FAM193A: variants seen among roughly 807,000 people sequenced by gnomAD.
The protein encoded by FAM193A is protein FAM193A.
In FAM193A, 22 loss-of-function variants were observed where a neutral mutation model predicts 126.5. That is an observed-to-expected ratio of 0.17 (90% CI 0.12 to 0.25). FAM193A has a LOEUF of 0.25. FAM193A is among the 10% of genes least tolerant of loss of function. The pLI, the probability that FAM193A is intolerant of heterozygous loss-of-function variation, is 1.00. For missense variants in FAM193A, 1,675 were observed against 1,672.8 expected (o/e 1.00, Z -0.02); for synonymous variants, 761 against 646.8 (o/e 1.18, Z -2.68).
intron 13 of FAM193A, among the ~76,000 whole-genome samples, chr4:2,685,403 G>T (rs572584051): frequency 2.0e-5 from 3 of 152,222 alleles, no homozygotes; most frequent in African/African-American, 7.2e-5. Flanking sequence ...ATTTAGATTG[G>T]GCAGGTAAAG....
chr4:2,603,684 C>T (rs1741357989), intron 2 of FAM193A, among the ~76,000 whole-genome samples: 1 of 151,658 alleles, frequency 6.6e-6, no homozygotes, highest in South Asian at 2.1e-4. Flanking sequence ...TGGCCTCGAT[C>T]TCCTGACCTC....
chr4:2,586,224 CAA>C (rs977935760), intron 1 of FAM193A, among the ~76,000 whole-genome samples: 3 of 149,050 alleles, frequency 2.0e-5, no homozygotes, highest in South Asian at 2.1e-4. Context: ...GCCTGGGCAA[CAA>C]GAGCAAAAAC....
intron 1 of FAM193A, among the ~76,000 whole-genome samples, chr4:2,564,204 C>G (rs1330387996): frequency 3.9e-5 from 6 of 152,092 alleles, no homozygotes; most frequent in Non-Finnish European, 8.8e-5. Flanking sequence ...ATCTCAGCCT[C>G]CTGAGTAGGT....
intron 1 of FAM193A, among the ~76,000 whole-genome samples, chr4:2,543,684 C>T (rs1385603858): frequency 6.6e-6 from 1 of 151,550 alleles, no homozygotes; most frequent in Non-Finnish European, 1.5e-5. Flanking sequence ...TGGAGAAACC[C>T]CATCTCTACT....
At chr4:2,540,336 C>T (rs35651199) in intron 1 of FAM193A, among the ~76,000 whole-genome samples, 40,127 of 151,700 alleles carry the variant, frequency 0.26, 5,744 homozygotes, top group Middle Eastern at 0.37. Flanking sequence ...GGCGTGGTGG[C>T]GGGCACCTGT....
In FAM193A at chr4:2,634,514, A is replaced by G. The variant is rs553124711; in HGVS notation, c.1038+3345A>G. Reference sequence around the variant, plus strand: ...CATAACAAAGATATTTAAATTTTCAAAAAAGAATATAGAGTAACTTTGTTA... The same window carrying G: ...CATAACAAAGATATTTAAATTTTCAGAAAAGAATATAGAGTAACTTTGTTA... On this transcript the variant is annotated intron_variant, in intron 5 of 20. Coordinates refer to ENST00000637812, the MANE Select transcript of FAM193A (RefSeq NM_001366318.2). Among the ~76,000 whole-genome samples the G allele has an allele frequency of 7.9e-4, 121 of 152,260 alleles. 1 individual carries two copies. The highest frequency in any genetic ancestry group is 1.5e-3 in the Non-Finnish European group (105 of 68,044).
chr4:2,719,120 C>T (rs924560279), intron 20 of FAM193A, among the ~76,000 whole-genome samples: 3 of 152,022 alleles, frequency 2.0e-5, no homozygotes, highest in African/African-American at 7.2e-5. Context: ...CAAAATCTGC[C>T]CAAAACAATA....
Position 2,581,658 on chromosome 4 carries a change from T to C in FAM193A, c.256-14426T>C, listed in dbSNP as rs184266376. On this transcript the variant is annotated intron_variant, in intron 1 of 20. Transcript: ENST00000637812. Reference sequence around the variant, plus strand: ...CTTTATTTTATTTATTTGTTTTTATTTTTTTGAGACGGAGTCTCGCTCTGT... The same window carrying C: ...CTTTATTTTATTTATTTGTTTTTATCTTTTTGAGACGGAGTCTCGCTCTGT... Among the ~76,000 whole-genome samples, 940 of 152,222 alleles carry C rather than the reference T, an allele frequency of 6.2e-3. 3 individuals are homozygous for C. The highest frequency in any genetic ancestry group is 0.01 in the Non-Finnish European group (700 of 68,020).
intron 4 of FAM193A, 92 bp downstream of exon 4, chr4:2,626,669 A>G (rs1577093609): frequency 3.2e-6 from 2 of 632,912 alleles, no homozygotes; most frequent in South Asian, 1.7e-5. Context: ...GGCTTTCCTT[A>G]CAGTGCTCAG....
intron 2 of FAM193A, among the ~76,000 whole-genome samples, chr4:2,622,380 T>C (rs1010170566): frequency 1.3e-4 from 20 of 152,178 alleles, no homozygotes; most frequent in African/African-American, 4.8e-4. Flanking sequence ...TATGTCCTGC[T>C]TCCTTATGCC....
chr4:2,693,728 A>G lies in FAM193A; in HGVS notation c.2946A>G (p.Thr982=), dbSNP rs774878854. ...LSPAALSPAS[T]PHLANLAAPS... is the part of the protein sequence containing the mutation. Reference sequence around the variant, plus strand: ...CTGCTGCGCTCTCACCTGCCTCCACACCTCACCTTGCAAATCTTGCAGCCC... The same window carrying G: ...CTGCTGCGCTCTCACCTGCCTCCACGCCTCACCTTGCAAATCTTGCAGCCC... Residue 982 remains threonine, a synonymous_variant, in exon 16 of 21, where the codon ACA becomes ACG. Coordinates refer to ENST00000637812, the MANE Select transcript of FAM193A (RefSeq NM_001366318.2). The G allele has an allele frequency of 1.4e-5, 22 of 1,613,652 alleles. No homozygotes were observed. In the South Asian group the frequency reaches 2.0e-4, roughly 14 times the overall value.
At chr4:2,611,985 C>T (rs1197525963) in intron 2 of FAM193A, among the ~76,000 whole-genome samples, 2 of 151,640 alleles carry the variant, frequency 1.3e-5, no homozygotes, top group African/African-American at 4.8e-5. Flanking sequence ...TACAGGCGCC[C>T]ACCACCATGC....
At chr4:2,697,271 A>C (rs1717147310) in intron 18 of FAM193A, among the ~76,000 whole-genome samples, 1 of 152,148 alleles carries the variant, frequency 6.6e-6, no homozygotes, top group South Asian at 2.1e-4. Context: ...TGGGAGGATC[A>C]CTTGAACCTC....
chr4:2,717,516 A>C (rs938741276), intron 20 of FAM193A, among the ~76,000 whole-genome samples: 2 of 151,434 alleles, frequency 1.3e-5, no homozygotes, highest in Non-Finnish European at 2.9e-5. Flanking sequence ...GAATTGCTTG[A>C]ACCTGGGAGG....
At chr4:2,539,829 T>C (rs1258308878) in intron 1 of FAM193A, among the ~76,000 whole-genome samples, 1 of 152,164 alleles carries the variant, frequency 6.6e-6, no homozygotes, top group African/African-American at 2.4e-5. Context: ...CCGGGCACCG[T>C]GGCTCATGCC....
intron 1 of FAM193A, among the ~76,000 whole-genome samples, chr4:2,578,728 G>C (rs1380739741): frequency 6.6e-6 from 1 of 152,052 alleles, no homozygotes; most frequent in African/African-American, 2.4e-5. Flanking sequence ...CAAATATTTT[G>C]CTTCTTATAG....
At chr4:2,703,183 G>T (rs55993221) in intron 19 of FAM193A, among the ~76,000 whole-genome samples, 58,754 of 152,048 alleles carry the variant, frequency 0.39, 12,040 homozygotes, top group Admixed American at 0.56. Context: ...TAAAGTGTAC[G>T]ATGATTTCTG....
At chr4:2,599,918 A>G (rs1741097346) in intron 2 of FAM193A, among the ~76,000 whole-genome samples, 1 of 143,140 alleles carries the variant, frequency 7.0e-6, no homozygotes, top group African/African-American at 2.6e-5. Context: ...TTTTTTTTTT[A>G]GAGACACAGT....
chr4:2,546,702 G>A (rs1305513940), intron 1 of FAM193A, among the ~76,000 whole-genome samples: 1 of 152,058 alleles, frequency 6.6e-6, no homozygotes, highest in Non-Finnish European at 1.5e-5. Context: ...TTGAGGTTTT[G>A]GTGATTATAA....
Sources: allele counts gnomAD v4.1 joint callset (sites outside exome capture counted in the v4.1 genomes callset), GRCh38; gene constraint gnomAD v4.1.1; transcripts MANE v1.5; gene names NCBI Gene and HGNC (gene_info 2026-07-23, HGNC 2026-07-21).